The following SPRED1 variants were observed in gnomAD, a reference collection of about 807,000 sequenced individuals.
SPRED1 encodes the protein sprouty related EVH1 domain containing 1.
In SPRED1, 18 loss-of-function variants were observed where a neutral mutation model predicts 52.3. The observed-to-expected ratio is 0.34, with a 90% CI of 0.24 to 0.51. SPRED1 has a LOEUF of 0.51. Among genes scored for constraint, SPRED1 ranks in the 20% least tolerant of loss-of-function variants. The pLI is 0.97. For synonymous variants in SPRED1, 155 were observed against 179.7 expected (o/e 0.86, Z 1.10); for missense variants, 485 against 551.0 (o/e 0.88, Z 1.20).
chr15:38,305,695 T>C (rs1895239625), intron 2 of SPRED1, among the ~76,000 whole-genome samples: 1 of 152,140 alleles, frequency 6.6e-6, no homozygotes, highest in African/African-American at 2.4e-5. Context: ...GTGAAGATTA[T>C]TTATATGGTG....
At chr15:38,287,645 A>G (rs1894838204) in intron 1 of SPRED1, among the ~76,000 whole-genome samples, 1 of 152,164 alleles carries the variant, frequency 6.6e-6, no homozygotes, top group Non-Finnish European at 1.5e-5. Flanking sequence ...AAAATATTTG[A>G]AAAAAATTGC....
chr15:38,332,499 G>T (rs1332146949), intron 4 of SPRED1, among the ~76,000 whole-genome samples: 1 of 152,098 alleles, frequency 6.6e-6, no homozygotes, highest in African/African-American at 2.4e-5. Context: ...TTTGAGCCTA[G>T]AAGGTCAAGG....
chr15:38,283,241 T>C (rs1233683512), intron 1 of SPRED1, among the ~76,000 whole-genome samples: 1 of 152,060 alleles, frequency 6.6e-6, no homozygotes, highest in Non-Finnish European at 1.5e-5. Flanking sequence ...CAAACACATA[T>C]ATAACCATCA....
At chr15:38,289,965 A>G (rs1039522662) in intron 1 of SPRED1, among the ~76,000 whole-genome samples, 5 of 152,074 alleles carry the variant, frequency 3.3e-5, no homozygotes, top group South Asian at 2.1e-4. Flanking sequence ...TTTTTTCCCA[A>G]TTTGTTATCT....
chr15:38,356,155 C>T lies in SPRED1; in HGVS notation c.*4491C>T, dbSNP rs1002342584. On this transcript the variant is annotated 3_prime_UTR_variant, in exon 7 of 7. Transcript: ENST00000299084. ...CATTTCCAGTGTGTAGTGTCGTTTG[C>T]TTTCTATTTCTGACCTCAAAAGTGC... is the stretch of plus-strand genomic sequence containing the variant. The T allele has an allele frequency of 6.0e-5, 9 of 151,058 alleles. No homozygotes were observed. Among genetic ancestry groups the T allele is most frequent in the Non-Finnish European group, 8.9e-5 (6 of 67,746 alleles). 9.4% of individuals were successfully genotyped at this position (151,058 alleles called of 1,614,324 possible).
chr15:38,323,368 C>G (rs1044430382), intron 3 of SPRED1, among the ~76,000 whole-genome samples: 2 of 151,880 alleles, frequency 1.3e-5, no homozygotes, highest in Admixed American at 6.6e-5. Flanking sequence ...GTAATAGTAG[C>G]CATTTTGTCT....
At chr15:38,281,956 A>G (rs1425448317) in intron 1 of SPRED1, among the ~76,000 whole-genome samples, 1 of 152,122 alleles carries the variant, frequency 6.6e-6, no homozygotes, top group African/African-American at 2.4e-5. Context: ...TACAGGGTAA[A>G]GCCGATTTTA....
intron 5 of SPRED1, among the ~76,000 whole-genome samples, chr15:38,347,033 ATT>A (rs1896152377): frequency 6.6e-6 from 1 of 151,932 alleles, no homozygotes; most frequent in East Asian, 1.9e-4. Flanking sequence ...GTTGGTGATT[ATT>A]TTTCACTCTT....
intron 2 of SPRED1, among the ~76,000 whole-genome samples, chr15:38,306,152 T>C (rs1235648618): frequency 6.6e-6 from 1 of 152,188 alleles, no homozygotes; most frequent in Non-Finnish European, 1.5e-5. Flanking sequence ...TCTGGCCCTG[T>C]CCTCCTTTGC....
At chr15:38,274,795 T>C (rs1482316215) in intron 1 of SPRED1, among the ~76,000 whole-genome samples, 1 of 152,238 alleles carries the variant, frequency 6.6e-6, no homozygotes, top group Non-Finnish European at 1.5e-5. Flanking sequence ...TGAAGAGTAC[T>C]GGCCAGGAAT....
At chr15:38,327,310 GGTC>G (rs1240241162) in intron 4 of SPRED1, among the ~76,000 whole-genome samples, 1 of 152,132 alleles carries the variant, frequency 6.6e-6, no homozygotes, top group African/African-American at 2.4e-5. Flanking sequence ...AGTGAAGTAT[GGTC>G]GTTTTAAAAT....
intron 4 of SPRED1, among the ~76,000 whole-genome samples, chr15:38,325,471 G>T (rs1482073061): frequency 2.0e-5 from 3 of 151,458 alleles, no homozygotes; most frequent in African/African-American, 7.3e-5. Context: ...CTTTTTTAAG[G>T]AAGTGGTTCA....
chr15:38,346,313 C>CAA (rs59137914), intron 5 of SPRED1, among the ~76,000 whole-genome samples: 63 of 147,212 alleles, frequency 4.3e-4, no homozygotes, highest in South Asian at 1.7e-3. Context: ...GACCTTGTCT[C>CAA]AAAAAAAAAA....
chr15:38,319,576 C>T (rs898008979), intron 2 of SPRED1, among the ~76,000 whole-genome samples: 2 of 152,158 alleles, frequency 1.3e-5, no homozygotes, highest in Admixed American at 1.3e-4. Flanking sequence ...ACGGGTTTCA[C>T]TATGTTGGTC....
chr15:38,270,052 C>A (rs183666338), intron 1 of SPRED1, among the ~76,000 whole-genome samples: 2 of 151,662 alleles, frequency 1.3e-5, no homozygotes, highest in Non-Finnish European at 2.9e-5. Flanking sequence ...GGATTAAAGA[C>A]GTGTGCCACC....
intron 5 of SPRED1, among the ~76,000 whole-genome samples, chr15:38,343,346 A>G (rs1595759020): frequency 1.3e-5 from 2 of 152,234 alleles, no homozygotes; most frequent in African/African-American, 2.4e-5. Flanking sequence ...TGGTCATAAG[A>G]TGAAGAAAGT....
In SPRED1 at chr15:38,322,241, G is replaced by C; in HGVS notation, c.208G>C (p.Val70Leu). ...IRGERLRDKM[V>L]VLECMLKKDL... The stretch of plus-strand genomic sequence containing the variant: ...ATTTTTGGTATTTGGCTTTTGTCAG[G>C]TGGTTTTGGAATGTATGCTTAAAAA... Residue 70 changes from valine to leucine, a missense_variant and splice_region_variant, in exon 3 of 7, where the codon GTG (valine) becomes CTG (leucine). By Grantham distance (32) the Val-to-Leu change is conservative (BLOSUM62 1). Around this residue, in one of 5 missense-constraint regions of SPRED1, gnomAD observed 232 missense variants for 231.8 expected, o/e 1.00. Coordinates refer to ENST00000299084, the MANE Select transcript of SPRED1 (RefSeq NM_152594.3). The C allele has an allele frequency of 6.2e-7, 1 of 1,613,608 alleles. No homozygotes were observed. The highest frequency in any genetic ancestry group is 8.5e-7 in the Non-Finnish European group (1 of 1,179,784).
chr15:38,311,030 T>C (rs774645289), intron 2 of SPRED1, among the ~76,000 whole-genome samples: 2 of 152,196 alleles, frequency 1.3e-5, no homozygotes, highest in Non-Finnish European at 2.9e-5. Context: ...GTTTCAGATA[T>C]TAACCAAAAC....
At chr15:38,276,342 A>G (rs1894552637) in intron 1 of SPRED1, among the ~76,000 whole-genome samples, 1 of 151,932 alleles carries the variant, frequency 6.6e-6, no homozygotes, top group Admixed American at 6.6e-5. Context: ...TATATTATAT[A>G]AATATGCGGA....
Sources: gnomAD v4.1 joint callset for allele counts (sites outside exome capture counted in the v4.1 genomes callset) on GRCh38, gnomAD v4.1.1 for gene constraint, gnomAD v4.1.1 regional missense constraint, MANE v1.5 for transcripts, NCBI Gene and HGNC (gene_info 2026-07-23, HGNC 2026-07-21) for gene names.